TM2D2: variants seen among roughly 807,000 people sequenced by gnomAD.
TM2D2 encodes the protein TM2 domain containing 2.
TM2D2 carries 19 observed loss-of-function variants against 23.0 expected under a neutral mutation model. That is an observed-to-expected ratio of 0.82 (90% CI 0.58 to 1.21). The LOEUF is 1.21. Ranked by LOEUF, TM2D2 falls within the 50% of genes most tolerant of loss-of-function variation. The probability of loss-of-function intolerance (pLI) is 0.00; values close to 1 mark genes in which losing one functional copy is unlikely to be tolerated. For synonymous variants in TM2D2, 120 were observed against 108.8 expected, an observed-to-expected ratio of 1.10 and a Z score of -0.64; for missense variants, 246 against 265.4, an observed-to-expected ratio of 0.93 and a Z score of 0.51.
In TM2D2 at chr8:38,991,167, G is replaced by A; in HGVS notation, c.*165C>T. The A allele has an allele frequency of 1.6e-6, 1 of 643,846 alleles. No homozygotes were observed. Among genetic ancestry groups the A allele is most frequent in the Non-Finnish European group, 2.7e-6 (1 of 374,310 alleles). 39.9% of individuals were successfully genotyped at this position (643,846 alleles called of 1,614,324 possible). A position where few individuals can be genotyped will look rare whatever the true frequency, so the allele number is the denominator to read the frequency against. On this transcript the variant is annotated 3_prime_UTR_variant, in exon 4 of 4. Coordinates refer to ENST00000456397, the MANE Select transcript of TM2D2 (RefSeq NM_078473.3). ...ATTCCGTCTGCAAGGTAAAATCTGG[G>A]TTGAAATTCCAAAGTCCAAAGAAGC... is the stretch of plus-strand genomic sequence containing the variant.
In TM2D2 at chr8:38,988,832, T is replaced by C. The variant is rs1317401546; in HGVS notation, c.*2500A>G. ...ATCTGGGGGAACTGATAACATTTTA[T>C]TAAAGGCAAGAAACAACTAAAAGGC... is the stretch of plus-strand genomic sequence containing the variant. On this transcript the variant is annotated 3_prime_UTR_variant, in exon 4 of 4. Coordinates refer to ENST00000456397, the MANE Select transcript of TM2D2 (RefSeq NM_078473.3). The C allele has an allele frequency of 6.6e-6, 1 of 152,186 alleles. No individual in the cohort carries two copies. The highest frequency in any genetic ancestry group is 1.9e-4 in the East Asian group (1 of 5,198). 9.4% of individuals were successfully genotyped at this position (152,186 alleles called of 1,614,324 possible).
intron 1 of TM2D2, 133 bp from the exon 2 acceptor site, chr8:38,995,538 C>T: frequency 6.5e-7 from 1 of 1,531,622 alleles, no homozygotes; most frequent in Non-Finnish European, 8.7e-7. Flanking sequence ...CCCTGCTGAC[C>T]CCTTTCCAAG....
In TM2D2 at chr8:38,989,628, C is replaced by CTTAT. The variant is rs1308848260; in HGVS notation, c.*1700_*1703dup. On this transcript the variant is annotated 3_prime_UTR_variant, in exon 4 of 4. Coordinates refer to ENST00000456397, the MANE Select transcript of TM2D2 (RefSeq NM_078473.3). ...CACCATTGCGCTGGCCCTAAAGTTT[C>CTTAT]TTATTTTTTAAAGAAAACAACTTTT... 5 of 152,072 alleles carry CTTAT rather than the reference C, an allele frequency of 3.3e-5. No homozygotes were observed. The highest frequency in any genetic ancestry group is 3.3e-4 in the Admixed American group (5 of 15,254). 9.4% of individuals were successfully genotyped at this position (152,072 alleles called of 1,614,324 possible).
chr8:38,996,272 C>G lies in TM2D2; in HGVS notation c.168G>C (p.Gly56=). 1 of 1,614,050 alleles carries G rather than the reference C, an allele frequency of 6.2e-7. No individual in the cohort carries two copies. The highest frequency in any genetic ancestry group is 8.5e-7 in the Non-Finnish European group (1 of 1,180,020). The part of the protein sequence containing the change: ...SAGAAQPEGP[G]GAASWEYGDP... ...CGCCATATTCCCAGCTCGCAGCACC[C>G]CCGGGGCCCTCCGGCTGGGCGGCGC... The change falls in exon 1 of 4, where the codon GGG becomes GGC. Residue 56 remains glycine, a synonymous_variant. Coordinates refer to ENST00000456397, the MANE Select transcript of TM2D2 (RefSeq NM_078473.3).
intron 1 of TM2D2, chr8:38,995,747 T>C (rs1835753078): frequency 1.6e-6 from 2 of 1,285,242 alleles, no homozygotes; most frequent in Admixed American, 3.8e-5. Context: ...ATTTCCCAAA[T>C]GCCTTTTCTT....
At chr8:38,995,681 AAAC>A (rs1171464932) in intron 1 of TM2D2, 18 of 1,327,396 alleles carry the variant, frequency 1.4e-5, no homozygotes, top group African/African-American at 7.7e-5. Context: ...TTCAGTAGGC[AAAC>A]AACAAGATTC....
At chr8:38,994,759 C>T (rs1168609000) in intron 2 of TM2D2, among the ~76,000 whole-genome samples, 1 of 152,186 alleles carries the variant, frequency 6.6e-6, no homozygotes, top group East Asian at 1.9e-4. Context: ...TACTAATAAA[C>T]CTTAATAGCG....
At chr8:38,995,297 T>C (rs1564196694) in intron 2 of TM2D2, 21 bp downstream of exon 2, 2 of 1,546,046 alleles carry the variant, frequency 1.3e-6, no homozygotes, top group Non-Finnish European at 1.8e-6. Flanking sequence ...GGTTTGCTCT[T>C]ACGACAAAAC....
chr8:38,992,840 C>T (rs7007482), intron 3 of TM2D2, among the ~76,000 whole-genome samples: 4,974 of 152,202 alleles, frequency 0.033, 258 homozygotes, highest in African/African-American at 0.11. Context: ...CAGCGAAAAG[C>T]GAGGACTTCT....
At chr8:38,996,934 C>A, upstream of TM2D2, 1 of 1,399,124 alleles carries the variant, frequency 7.1e-7, no homozygotes, top group South Asian at 1.3e-5. Context: ...GCGTGCTCGT[C>A]GGGCGCGCGT....
At chr8:38,996,893 G>C (rs1158134607), upstream of TM2D2, 2 of 1,465,142 alleles carry the variant, frequency 1.4e-6, no homozygotes, top group Non-Finnish European at 1.8e-6. Context: ...AGCGAGCTCG[G>C]ACCGAGGGCT....
upstream of TM2D2, chr8:38,996,978 T>TG (rs749636766): frequency 9.1e-6 from 14 of 1,530,092 alleles, no homozygotes; most frequent in African/African-American, 1.4e-5. Context: ...CGGCCAGACT[T>TG]GGGGCCCCGG....
chr8:38,996,654 G>A, upstream of TM2D2: 1 of 1,429,934 alleles, frequency 7.0e-7, no homozygotes, highest in Non-Finnish European at 9.1e-7. Flanking sequence ...CTCTGCTTCT[G>A]CTTCTCGATT....
chr8:38,996,510 G>A (rs956169171), upstream of TM2D2: 252 of 1,584,744 alleles, frequency 1.6e-4, no homozygotes, highest in Non-Finnish European at 2.1e-5. Flanking sequence ...CCCAAGAACT[G>A]CGTGGTCAGG....
chr8:38,994,258 G>A (rs1835690076), intron 2 of TM2D2, among the ~76,000 whole-genome samples: 1 of 152,134 alleles, frequency 6.6e-6, no homozygotes, highest in South Asian at 2.1e-4. Context: ...TCAGAACTGG[G>A]CCTCTTACCA....
chr8:38,995,690 G>A, intron 1 of TM2D2: 2 of 1,310,994 alleles, frequency 1.5e-6, no homozygotes, highest in South Asian at 2.3e-5. Flanking sequence ...CAAACAACAA[G>A]ATTCTGGGGG....
intron 3 of TM2D2, among the ~76,000 whole-genome samples, chr8:38,992,697 G>A (rs1835640099): frequency 6.6e-6 from 1 of 152,290 alleles, no homozygotes; most frequent in East Asian, 1.9e-4. Context: ...AGGAGTAGGA[G>A]TCTGGGCTCC....
upstream of TM2D2, chr8:38,996,973 A>C: frequency 2.7e-6 from 4 of 1,507,978 alleles, no homozygotes; most frequent in Non-Finnish European, 3.6e-6. Context: ...CTTCCCGGCC[A>C]GACTTGGGGC....
intron 3 of TM2D2, among the ~76,000 whole-genome samples, chr8:38,993,271 T>C (rs1001244347): frequency 6.6e-6 from 1 of 152,050 alleles, no homozygotes; most frequent in Non-Finnish European, 1.5e-5. Context: ...TAGACCCTCT[T>C]TGGTGCTTAA....
Sources: allele counts gnomAD v4.1 joint callset (sites outside exome capture counted in the v4.1 genomes callset), GRCh38; gene constraint gnomAD v4.1.1; transcripts MANE v1.5; gene names NCBI Gene and HGNC (gene_info 2026-07-23, HGNC 2026-07-21).